The following DTWD2 variants were observed in gnomAD, a reference collection of about 807,000 sequenced individuals.
The protein encoded by DTWD2 is DTW motif tRNA-uridine aminocarboxypropyltransferase 2.
In DTWD2, 39 loss-of-function variants were observed where a neutral mutation model predicts 31.8. The ratio of observed to expected loss-of-function variants is 1.22; its 90% CI spans 0.95 to 1.60. The LOEUF is 1.60. DTWD2 is among the 40% of genes most tolerant of loss of function. The pLI, the probability that DTWD2 is intolerant of heterozygous loss-of-function variation, is 0.00. For missense variants in DTWD2, 515 were observed against 381.5 expected, an observed-to-expected ratio of 1.35 and a Z score of -2.92; for synonymous variants, 180 against 142.8, an observed-to-expected ratio of 1.26 and a Z score of -1.86.
At chr5:118,960,893 G>A (rs977598553) in intron 1 of DTWD2, among the ~76,000 whole-genome samples, 17 of 152,088 alleles carry the variant, frequency 1.1e-4, no homozygotes, top group African/African-American at 4.1e-4. Flanking sequence ...TGGATGCCAA[G>A]AAGGAAACAA....
chr5:118,982,771 C>G (rs1242812689), intron 1 of DTWD2, among the ~76,000 whole-genome samples: 1 of 150,696 alleles, frequency 6.6e-6, no homozygotes, highest in African/African-American at 2.4e-5. Context: ...TCACTGCAAC[C>G]TCCGCCTCCC....
At chr5:118,870,959 CAT>C (rs1462928953) in intron 4 of DTWD2, among the ~76,000 whole-genome samples, 1 of 149,188 alleles carries the variant, frequency 6.7e-6, no homozygotes, top group African/African-American at 2.4e-5. Flanking sequence ...GTACATATAA[CAT>C]ATAACTAAGC....
intron 4 of DTWD2, among the ~76,000 whole-genome samples, chr5:118,884,946 A>C (rs1374618297): frequency 6.9e-6 from 1 of 145,006 alleles, no homozygotes; most frequent in African/African-American, 2.6e-5. Flanking sequence ...CAGTGAGCCG[A>C]GACTACGCCA....
intron 4 of DTWD2, among the ~76,000 whole-genome samples, chr5:118,877,497 A>T (rs756380166): frequency 1.3e-5 from 2 of 151,826 alleles, no homozygotes; most frequent in Non-Finnish European, 2.9e-5. Flanking sequence ...AAAAAAAATA[A>T]AAAAAGCTCT....
chr5:118,868,386 C>T (rs78320683), intron 4 of DTWD2, among the ~76,000 whole-genome samples: 6,171 of 151,846 alleles, frequency 0.041, 417 homozygotes, highest in African/African-American at 0.14. Flanking sequence ...CCAAACGTAC[C>T]GGCAACAACA....
intron 4 of DTWD2, among the ~76,000 whole-genome samples, chr5:118,908,629 A>C (rs907189147): frequency 3.3e-5 from 5 of 151,890 alleles, no homozygotes; most frequent in African/African-American, 1.2e-4. Context: ...CGACAAAACA[A>C]ATGCATCCCA....
chr5:118,849,185 A>C, intron 4 of DTWD2, among the ~76,000 whole-genome samples: 1 of 152,206 alleles, frequency 6.6e-6, no homozygotes, highest in East Asian at 1.9e-4. Context: ...ACGAGAAAAA[A>C]GGAAAACAAC....
rs1334246945 is a variant in DTWD2 at position 118,840,415 on chromosome 5, T to G, written c.*502A>C. On this transcript the variant is annotated 3_prime_UTR_variant, in exon 6 of 6. Coordinates refer to ENST00000510708, the MANE Select transcript of DTWD2 (RefSeq NM_173666.4). ...TTGGCCCCTAAACAATACTTAAAAT[T>G]TCCTTATTCCTTTATACTATTTTAC... 2.6e-5 allele frequency: 4 copies of G among 152,220 alleles called. No individual in the cohort carries two copies. In the East Asian group the frequency reaches 7.7e-4, roughly 29 times the overall value. 9.4% of individuals were successfully genotyped at this position (152,220 alleles called of 1,614,324 possible).
chr5:118,922,052 T>C (rs912411900), intron 4 of DTWD2, among the ~76,000 whole-genome samples: 1 of 152,216 alleles, frequency 6.6e-6, no homozygotes, highest in African/African-American at 2.4e-5. Context: ...CATGGAAATA[T>C]GTTTATGAAG....
chr5:118,927,355 A>T (rs1170690909), intron 4 of DTWD2, among the ~76,000 whole-genome samples: 3 of 152,304 alleles, frequency 2.0e-5, no homozygotes, highest in Non-Finnish European at 4.4e-5. Flanking sequence ...TAAGCCCAAA[A>T]AGATGAAATA....
intron 4 of DTWD2, among the ~76,000 whole-genome samples, chr5:118,854,090 G>A (rs945405289): frequency 6.6e-6 from 1 of 152,118 alleles, no homozygotes; most frequent in Non-Finnish European, 1.5e-5. Context: ...AGTTAATAAA[G>A]TTGAGGTAGC....
At chr5:118,942,340 T>TC (rs1471329900) in intron 2 of DTWD2, among the ~76,000 whole-genome samples, 1 of 151,696 alleles carries the variant, frequency 6.6e-6, no homozygotes, top group Non-Finnish European at 1.5e-5. Flanking sequence ...GAGACCCCGT[T>TC]CTTAAAAACA....
chr5:118,934,670 T>C (rs975492925), intron 3 of DTWD2, among the ~76,000 whole-genome samples: 1 of 152,022 alleles, frequency 6.6e-6, no homozygotes, highest in Admixed American at 6.6e-5. Context: ...AAATAACTGA[T>C]AGGACTAATA....
intron 5 of DTWD2, among the ~76,000 whole-genome samples, chr5:118,842,897 C>T (rs1231587512): frequency 5.3e-5 from 8 of 150,546 alleles, no homozygotes; most frequent in Non-Finnish European, 1.2e-4. Context: ...CAGTGAGCCA[C>T]GATCATACCA....
chr5:118,860,698 A>C (rs1438403481), intron 4 of DTWD2, among the ~76,000 whole-genome samples: 2 of 152,182 alleles, frequency 1.3e-5, no homozygotes, highest in Non-Finnish European at 1.5e-5. Flanking sequence ...ACTTTTGACA[A>C]TCTGTTAGGT....
At chr5:118,978,179 A>G (rs1239738844) in intron 1 of DTWD2, among the ~76,000 whole-genome samples, 3 of 152,250 alleles carry the variant, frequency 2.0e-5, no homozygotes, top group Admixed American at 1.3e-4. Flanking sequence ...ATGCAGCAGA[A>G]AGTTGAAACT....
At chr5:118,876,294 A>T (rs947675642) in intron 4 of DTWD2, among the ~76,000 whole-genome samples, 3 of 152,178 alleles carry the variant, frequency 2.0e-5, no homozygotes, top group Non-Finnish European at 2.9e-5. Flanking sequence ...CAACTAAAAG[A>T]ACTAGAGGAC....
chr5:118,920,669 A>C (rs1045824441), intron 4 of DTWD2, among the ~76,000 whole-genome samples: 1 of 152,232 alleles, frequency 6.6e-6, no homozygotes, highest in Admixed American at 6.5e-5. Context: ...TTGTATTTCT[A>C]TAAAATATAG....
In DTWD2 at chr5:118,963,843, A is replaced by G. The variant is rs186609524; in HGVS notation, c.219-19194T>C. Reference sequence around the variant, plus strand: ...TTGGCTTACCTGTGTTTCTTCCCTTAAAGATCCTTATGGTAACAACCAACC... The same window carrying G: ...TTGGCTTACCTGTGTTTCTTCCCTTGAAGATCCTTATGGTAACAACCAACC... On this transcript the variant is annotated intron_variant, in intron 1 of 5. Transcript: ENST00000510708. Among the ~76,000 whole-genome samples, 273 of 152,286 alleles carry G rather than the reference A, an allele frequency of 1.8e-3. 2 individuals are homozygous for G. The highest frequency in any genetic ancestry group is 6.3e-3 in the African/African-American group (262 of 41,552).
Sources: allele counts gnomAD v4.1 joint callset (sites outside exome capture counted in the v4.1 genomes callset), GRCh38; gene constraint gnomAD v4.1.1; transcripts MANE v1.5; gene names NCBI Gene and HGNC (gene_info 2026-07-23, HGNC 2026-07-21).